DMD: variants seen among roughly 807,000 people sequenced by gnomAD.
The protein encoded by DMD is dystrophin, also known as mutant dystrophin.
In DMD, 63 loss-of-function variants were observed where a neutral mutation model predicts 330.1. That is an observed-to-expected ratio of 0.19 (90% CI 0.16 to 0.24). The LOEUF (loss-of-function observed/expected upper bound fraction) is 0.24, where lower values mean the gene tolerates loss of function less well. Among genes scored for constraint, DMD ranks in the 10% least tolerant of loss-of-function variants. The pLI is 1.00. For synonymous variants in DMD, 1,223 were observed against 959.8 expected, an observed-to-expected ratio of 1.27 and a Z score of -5.07; for missense variants, 3,344 against 2,684.1, an observed-to-expected ratio of 1.25 and a Z score of -5.43.
intron 62 of DMD, among the ~76,000 whole-genome samples, chrX:31,278,142 CGTGT>C (rs200132484): frequency 2.7e-5 from 3 of 110,297 alleles, no homozygotes; most frequent in Non-Finnish European, 3.8e-5. Context: ...TGCGTGTGTG[CGTGT>C]GTGTGTGTAC....
At chrX:32,370,777 G>T (rs2097873309) in intron 34 of DMD, among the ~76,000 whole-genome samples, 1 of 111,153 alleles carries the variant, frequency 9.0e-6, no homozygotes, top group South Asian at 3.7e-4. Context: ...TAGCTAAGAG[G>T]AATGATGAGT....
At position 31,981,702 on chromosome X, in the gene DMD, T is replaced by A. The variant is rs2095477121; in HGVS notation, c.6439-13188A>T. 2.7e-5 allele frequency among the ~76,000 whole-genome samples: 3 copies of A among 111,359 alleles called. No homozygotes were observed. The South Asian group carries it at 1.1e-3, about 42-fold the overall frequency. On this transcript the variant is annotated intron_variant, in intron 44 of 78. Transcript: ENST00000357033. The stretch of plus-strand genomic sequence containing the variant: ...CAGCTCCTTTTGCTTGTCTGCTCTG[T>A]CAAGGAGAATGTTCATCAGACTGGA...
At chrX:31,210,465 A>C (rs1383214620) in intron 64 of DMD, among the ~76,000 whole-genome samples, 1 of 112,234 alleles carries the variant, frequency 8.9e-6, no homozygotes, top group African/African-American at 3.2e-5. Context: ...AATTTAACAA[A>C]AGTGAAACTT....
intron 53 of DMD, among the ~76,000 whole-genome samples, chrX:31,668,597 TATC>T (rs1353868356): frequency 9.0e-6 from 1 of 111,614 alleles, no homozygotes; most frequent in Non-Finnish European, 1.9e-5. Flanking sequence ...TGCATATATT[TATC>T]ATATTTTATA....
At chrX:33,053,202 T>G (rs145849578) in intron 1 of DMD, among the ~76,000 whole-genome samples, 1 of 111,752 alleles carries the variant, frequency 8.9e-6, no homozygotes, top group African/African-American at 3.3e-5. Context: ...AGGGAGATGA[T>G]AGGGAACTGG....
rs146106118 is a variant in DMD at position 31,435,881 on chromosome X, G to C, written c.9084+8600C>G. 7.6e-3 allele frequency among the ~76,000 whole-genome samples: 852 copies of C among 111,485 alleles called. 3 individuals are homozygous for C. Among genetic ancestry groups the C allele is most frequent in the African/African-American group, 0.026 (782 of 30,608 alleles). On this transcript the variant is annotated intron_variant, in intron 60 of 78. Coordinates refer to ENST00000357033, the MANE Select transcript of DMD (RefSeq NM_004006.3). ...AGGGTGGGGCGGGGTCAAACTCCAG[G>C]GAAGGAGAGAGGTCAGCCCAGAGAG...
intron 44 of DMD, among the ~76,000 whole-genome samples, chrX:32,044,658 A>G (rs113295691): frequency 0.12 from 13,425 of 110,012 alleles, 650 homozygotes; most frequent in Admixed American, 0.18. Flanking sequence ...TCCTGACATC[A>G]TGATCCGCCC....
At chrX:31,372,046 T>G (rs2059612808) in intron 60 of DMD, among the ~76,000 whole-genome samples, 1 of 111,432 alleles carries the variant, frequency 9.0e-6, no homozygotes, top group Non-Finnish European at 1.9e-5. Flanking sequence ...ACTGGCAGAG[T>G]CTCATCTGGC....
intron 55 of DMD, among the ~76,000 whole-genome samples, chrX:31,610,463 C>T (rs1014631002): frequency 8.9e-6 from 1 of 111,834 alleles, no homozygotes; most frequent in Non-Finnish European, 1.9e-5. Flanking sequence ...CTCTTCTGTA[C>T]TTTTTATCTT....
chrX:32,075,971 C>T (rs950224393), intron 44 of DMD, among the ~76,000 whole-genome samples: 1 of 95,398 alleles, frequency 1.0e-5, no homozygotes, highest in Non-Finnish European at 2.0e-5. Flanking sequence ...TCATTTGAGC[C>T]CACGATGGGG....
chrX:31,589,492 A>G (rs927857345), intron 55 of DMD, among the ~76,000 whole-genome samples: 2 of 111,660 alleles, frequency 1.8e-5, no homozygotes, highest in African/African-American at 6.5e-5. Flanking sequence ...ATGCATCAGG[A>G]TAAAGGAATG....
intron 43 of DMD, among the ~76,000 whole-genome samples, chrX:32,249,535 G>C (rs2097255064): frequency 9.0e-6 from 1 of 111,466 alleles, no homozygotes; most frequent in Admixed American, 9.6e-5. Flanking sequence ...CAGAATCATA[G>C]CTGTATTATG....
chrX:32,448,681 T>G, intron 26 of DMD, 43 bp from the exon 27 acceptor site: 7 of 1,093,987 alleles, frequency 6.4e-6, no homozygotes, highest in Non-Finnish European at 7.4e-6. Flanking sequence ...GAAAATAACT[T>G]TACATCCAAA....
At chrX:31,417,651 C>T (rs186475911) in intron 60 of DMD, among the ~76,000 whole-genome samples, 305 of 110,077 alleles carry the variant, frequency 2.8e-3, no homozygotes, top group Non-Finnish European at 4.5e-3. Flanking sequence ...TGCAATATAA[C>T]TATCTATAAC....
At chrX:32,508,887 T>G (rs1262416256) in intron 18 of DMD, among the ~76,000 whole-genome samples, 5 of 110,620 alleles carry the variant, frequency 4.5e-5, no homozygotes, top group Admixed American at 2.9e-4. Context: ...CTTGGCTCAC[T>G]GCAAGCTCCG....
intron 7 of DMD, among the ~76,000 whole-genome samples, chrX:32,793,273 G>T (rs149147035): frequency 6.3e-5 from 7 of 110,591 alleles, no homozygotes; most frequent in Non-Finnish European, 1.1e-4. Context: ...TAACACCTAC[G>T]GGATATGGCA....
intron 60 of DMD, among the ~76,000 whole-genome samples, chrX:31,443,082 T>G (rs1185910954): frequency 8.9e-6 from 1 of 111,872 alleles, no homozygotes; most frequent in African/African-American, 3.2e-5. Context: ...ATTAAAAAGT[T>G]AAAACCAAAT....
chrX:32,488,413 T>A (rs146222369), intron 20 of DMD, among the ~76,000 whole-genome samples: 1,145 of 111,555 alleles, frequency 0.01, 23 homozygotes, highest in African/African-American at 0.033. Context: ...CTGCCGATCA[T>A]TAGAATATGA....
At chrX:33,188,302 T>G (rs188803668) in intron 1 of DMD, among the ~76,000 whole-genome samples, 10 of 110,370 alleles carry the variant, frequency 9.1e-5, no homozygotes, top group Admixed American at 7.8e-4. Flanking sequence ...TAAAAAATCA[T>G]CAGTCTTCTC....
Sources: gnomAD v4.1 joint callset for allele counts (sites outside exome capture counted in the v4.1 genomes callset) on GRCh38, gnomAD v4.1.1 for gene constraint, MANE v1.5 for transcripts, NCBI Gene and HGNC (gene_info 2026-07-23, HGNC 2026-07-21) for gene names.